Variants in ARHGEF10 observed in about 807,000 individuals in gnomAD.
The protein encoded by ARHGEF10 is Rho guanine nucleotide exchange factor 10.
ARHGEF10 carries 140 observed loss-of-function variants against 147.4 expected under a neutral mutation model. The ratio of observed to expected loss-of-function variants is 0.95; its 90% CI spans 0.83 to 1.09. The LOEUF is 1.09. Among genes scored for constraint, ARHGEF10 ranks in the 50% least tolerant of loss-of-function variants. The pLI, the probability that ARHGEF10 is intolerant of heterozygous loss-of-function variation, is 0.00. For synonymous variants in ARHGEF10, 902 were observed against 695.8 expected, an observed-to-expected ratio of 1.30 and a Z score of -4.67; for missense variants, 2,222 against 1,752.7, an observed-to-expected ratio of 1.27 and a Z score of -4.78.
At chr8:1,916,919 C>T (rs1018193799) in intron 18 of ARHGEF10, among the ~76,000 whole-genome samples, 5 of 152,198 alleles carry the variant, frequency 3.3e-5, no homozygotes, top group Non-Finnish European at 2.9e-5. Flanking sequence ...TGTCCGTATA[C>T]CACAGTTCTC....
At position 1,952,687 on chromosome 8, in the gene ARHGEF10, T is replaced by C; in HGVS notation, c.3398-18T>C. 6.2e-7 allele frequency: 1 copy of C among 1,613,220 alleles called. No homozygotes were observed. Among genetic ancestry groups the C allele is most frequent in the Non-Finnish European group, 8.5e-7 (1 of 1,180,018 alleles). The stretch of plus-strand genomic sequence containing the variant: ...CTACACAAACCAGACCCGAAGCCAC[T>C]CATGTCTTTCCGCCCAGGGCACCAG... On this transcript the variant is annotated intron_variant, in intron 27 of 28. Transcript: ENST00000349830.
chr8:1,921,448 G>T (rs150118983), intron 18 of ARHGEF10, among the ~76,000 whole-genome samples: 4 of 152,320 alleles, frequency 2.6e-5, no homozygotes, highest in African/African-American at 9.6e-5. Context: ...GGATGTCCAG[G>T]CCAGGCACGG....
intron 25 of ARHGEF10, among the ~76,000 whole-genome samples, chr8:1,931,475 C>T (rs917330727): frequency 1.3e-5 from 2 of 152,212 alleles, no homozygotes; most frequent in Non-Finnish European, 2.9e-5. Context: ...TTGTCAGACG[C>T]GTTGCATGAT....
At chr8:1,952,359 G>A (rs1019426841) in intron 27 of ARHGEF10, among the ~76,000 whole-genome samples, 2 of 152,232 alleles carry the variant, frequency 1.3e-5, no homozygotes, top group African/African-American at 4.8e-5. Context: ...ACGAGCTCAC[G>A]TGCTACACGG....
Position 1,945,628 on chromosome 8 carries a change from G to A in ARHGEF10, c.3370G>A (p.Ala1124Thr), listed in dbSNP as rs142179481. 2.8e-4 allele frequency: 452 copies of A among 1,614,152 alleles called. 1 individual carries two copies. The African/African-American group carries it at 4.8e-3, about 17-fold the overall frequency. Residue 1124 changes from alanine to threonine, a missense_variant, in exon 27 of 29, where the codon GCC (alanine) becomes ACC (threonine). By Grantham distance (58) the Ala-to-Thr change is moderately conservative (BLOSUM62 0). Coordinates refer to ENST00000349830, the MANE Select transcript of ARHGEF10 (RefSeq NM_014629.4). ...TLKHLQDINI[A>T]TPVHNMLPGH... ...CAAGCACCTGCAGGACATCAACATC[G>A]CCACCCCTGTTCACAACATGCTGCC...
intron 2 of ARHGEF10, among the ~76,000 whole-genome samples, chr8:1,853,166 G>A (rs1805277213): frequency 1.3e-5 from 2 of 152,212 alleles, no homozygotes; most frequent in South Asian, 4.1e-4. Flanking sequence ...TCCGTGTCAT[G>A]GCCTTCATGG....
At chr8:1,956,718 A>C in intron 28 of ARHGEF10, 31 bp from the exon 29 acceptor site, 2 of 1,613,374 alleles carry the variant, frequency 1.2e-6, no homozygotes, top group East Asian at 2.2e-5. Flanking sequence ...CCTATTTTAA[A>C]AGACAGCTGT....
At chr8:1,889,152 GAGGAGACGC>G (rs1809141005) in intron 11 of ARHGEF10, among the ~76,000 whole-genome samples, 15 of 88,542 alleles carry the variant, frequency 1.7e-4, no homozygotes, top group African/African-American at 9.8e-4. Context: ...TGAGGGTTGT[GAGGAGACGC>G]TGAGTTGGGG....
At position 1,880,145 on chromosome 8, in the gene ARHGEF10, G is replaced by A; in HGVS notation, c.941G>A (p.Arg314Lys). Residue 314 changes from arginine to lysine, a missense_variant, in exon 9 of 29, where the codon AGG (arginine) becomes AAG (lysine). Transcript: ENST00000349830. Reference protein sequence around the residue: ...TVGVVEIQQLRQKHELKMQKL... With the variant: ...TVGVVEIQQLKQKHELKMQKL... Reference sequence around the variant, plus strand: ...GGCGTGGTGGAGATTCAGCAGCTCAGGCAGAAGCATGAACTGAAGGTAGAG... The same window carrying A: ...GGCGTGGTGGAGATTCAGCAGCTCAAGCAGAAGCATGAACTGAAGGTAGAG... 1.2e-6 allele frequency: 2 copies of A among 1,613,470 alleles called. No homozygotes were observed. The highest frequency in any genetic ancestry group is 8.5e-7 in the Non-Finnish European group (1 of 1,179,440).
chr8:1,861,082 G>C (rs536850124), intron 4 of ARHGEF10, among the ~76,000 whole-genome samples: 1 of 152,314 alleles, frequency 6.6e-6, no homozygotes, highest in African/African-American at 2.4e-5. Context: ...AGGACTGTGG[G>C]TGCCCTCGTG....
chr8:1,951,388 C>T (rs1299813177), intron 27 of ARHGEF10, among the ~76,000 whole-genome samples: 2 of 152,242 alleles, frequency 1.3e-5, no homozygotes, highest in East Asian at 1.9e-4. Context: ...GACCAAGTCA[C>T]GCCGACCAGG....
Position 1,923,865 on chromosome 8 carries a change from C to G in ARHGEF10, c.2479C>G (p.Leu827Val). Reference sequence around the variant, plus strand: ...GGTCAACAGCTTACAGATGGCCAAGCTCGCCCTAGGTAAGGCCTGGCTGGC... The same window carrying G: ...GGTCAACAGCTTACAGATGGCCAAGGTCGCCCTAGGTAAGGCCTGGCTGGC... ...SWVNSLQMAK[L>V]ALEEENHMGW... The change falls in exon 21 of 29, where the codon CTC (leucine) becomes GTC (valine). Residue 827 changes from leucine (L) to valine (V), a missense_variant. Physicochemically the swap from Leu to Val is conservative, Grantham distance 32. Coordinates refer to ENST00000349830, the MANE Select transcript of ARHGEF10 (RefSeq NM_014629.4). The G allele has an allele frequency of 6.2e-7, 1 of 1,614,128 alleles. No homozygotes were observed. The highest frequency in any genetic ancestry group is 2.2e-5 in the East Asian group (1 of 44,880).
In ARHGEF10 at chr8:1,958,557, A is replaced by G. The variant is rs1052466064; in HGVS notation, c.*1294A>G. On this transcript the variant is annotated 3_prime_UTR_variant, in exon 29 of 29. Coordinates refer to ENST00000349830, the MANE Select transcript of ARHGEF10 (RefSeq NM_014629.4). ...ATGTTCTAGGTTGCATATATCCCCC[A>G]TGTGAAAGTGATTTCTTCCCAAGCT... is the stretch of plus-strand genomic sequence containing the variant. 1 of 152,222 alleles carries G rather than the reference A, an allele frequency of 6.6e-6. No homozygotes were observed. Among genetic ancestry groups the G allele is most frequent in the African/African-American group, 2.4e-5 (1 of 41,466 alleles). 9.4% of individuals were successfully genotyped at this position (152,222 alleles called of 1,614,324 possible). A position where few individuals can be genotyped will look rare whatever the true frequency, so the allele number is the denominator to read the frequency against.
At chr8:1,852,664 G>A (rs575663793) in intron 2 of ARHGEF10, among the ~76,000 whole-genome samples, 14 of 152,328 alleles carry the variant, frequency 9.2e-5, no homozygotes, top group African/African-American at 3.4e-4. Flanking sequence ...GTCATATTAT[G>A]TCATAATGAT....
chr8:1,918,383 C>T (rs541178631), intron 18 of ARHGEF10, among the ~76,000 whole-genome samples: 1 of 151,968 alleles, frequency 6.6e-6, no homozygotes, highest in African/African-American at 2.4e-5. Context: ...AACTCCTCCT[C>T]ATCTCAGTTC....
intron 28 of ARHGEF10, among the ~76,000 whole-genome samples, chr8:1,956,498 A>C (rs1159350979): frequency 6.6e-6 from 1 of 152,242 alleles, no homozygotes; most frequent in African/African-American, 2.4e-5. Flanking sequence ...GAACTGAAAT[A>C]GTGCTGAGGA....
intron 23 of ARHGEF10, chr8:1,926,860 T>C (rs1031980802): frequency 3.2e-6 from 1 of 309,890 alleles, no homozygotes; most frequent in African/African-American, 2.2e-5. Flanking sequence ...AAATGAAATA[T>C]TGCATCTGAA....
intron 4 of ARHGEF10, among the ~76,000 whole-genome samples, chr8:1,862,196 C>T (rs1585304064): frequency 6.6e-6 from 1 of 152,230 alleles, no homozygotes; most frequent in Non-Finnish European, 1.5e-5. Flanking sequence ...GCACTGCTGG[C>T]TTTTCTGTTC....
chr8:1,913,939 C>T (rs895255760), intron 18 of ARHGEF10, among the ~76,000 whole-genome samples: 4 of 152,184 alleles, frequency 2.6e-5, no homozygotes, highest in African/African-American at 9.7e-5. Flanking sequence ...AGGGTCCCTG[C>T]TGAGCATAGA....
Sources: gnomAD v4.1 joint callset for allele counts (sites outside exome capture counted in the v4.1 genomes callset) on GRCh38, gnomAD v4.1.1 for gene constraint, MANE v1.5 for transcripts, NCBI Gene and HGNC (gene_info 2026-07-23, HGNC 2026-07-21) for gene names.